The following C9orf85 variants were observed in gnomAD, a reference collection of about 807,000 sequenced individuals.
The protein encoded by C9orf85 is uncharacterized protein C9orf85.
In C9orf85, 16 loss-of-function variants were observed where a neutral mutation model predicts 14.9. That is an observed-to-expected ratio of 1.08 (90% CI 0.73 to 1.63). The LOEUF is 1.63. Among genes scored for constraint, C9orf85 ranks in the 40% most tolerant of loss-of-function variants. The pLI is 0.00. For missense variants in C9orf85, 172 were observed against 186.1 expected (o/e 0.92, Z 0.44); for synonymous variants, 45 against 56.8 (o/e 0.79, Z 0.93).
At chr9:71,971,103 T>G (rs1468621042) in intron 2 of C9orf85, among the ~76,000 whole-genome samples, 1 of 152,172 alleles carries the variant, frequency 6.6e-6, no homozygotes, top group Admixed American at 6.5e-5. Flanking sequence ...TTCCGTATAG[T>G]TAGGTCTTTA....
At chr9:71,984,243 T>C (rs1431079690), downstream of C9orf85, 9 of 152,240 alleles carry the variant, frequency 5.9e-5, no homozygotes, top group Non-Finnish European at 1.2e-4. Context: ...CCTTAAGTCT[T>C]TGCATATGTC....
At chr9:71,955,763 G>T (rs1470412959) in intron 2 of C9orf85, among the ~76,000 whole-genome samples, 3 of 152,150 alleles carry the variant, frequency 2.0e-5, no homozygotes, top group African/African-American at 7.2e-5. Context: ...CATCCAAGCT[G>T]TACTTGTTCT....
rs186047190 is a variant in C9orf85, at chr9:71,972,709, A to G, written c.341A>G (p.Glu114Gly). 4.4e-6 allele frequency: 7 copies of G among 1,582,816 alleles called. No individual in the cohort carries two copies. In the African/African-American group the frequency reaches 5.4e-5, roughly 12 times the overall value. The change falls in exon 4 of 4, where the codon GAA (glutamate) becomes GGA (glycine). Residue 114 changes from glutamate to glycine, a missense_variant. Glu to Gly is a moderately conservative substitution (Grantham distance 98). Transcript: ENST00000334731. ...ATCTTTAGGTTGAATAAAGAAACAG[A>G]AAAAATAGAACATACTGAAAATAAT... ...DIVIPLNKET[E>G]KIEHTENNLS...
At chr9:71,913,057 G>C (rs1389284791) in intron 1 of C9orf85, among the ~76,000 whole-genome samples, 18 of 152,146 alleles carry the variant, frequency 1.2e-4, no homozygotes, top group Non-Finnish European at 2.6e-4. Context: ...TGTGCGGCTT[G>C]AGTGAGTTGT....
chr9:71,971,485 C>T lies in C9orf85; in HGVS notation c.210-20C>T, dbSNP rs187250630. The stretch of plus-strand genomic sequence containing the variant: ...TCTGAAATAAACATAAATAAGTTAA[C>T]ATTTTATTTTTTATTTTAGTGTTAA... On this transcript the variant is annotated intron_variant, in intron 2 of 3. Transcript: ENST00000334731. The T allele has an allele frequency of 6.7e-4, 903 of 1,343,550 alleles. 6 individuals are homozygous for T. The African/African-American group carries it at 0.011, about 17-fold the overall frequency. The allele number at this position is 1,343,550 out of a possible 1,614,324, so 83.2% of individuals were successfully genotyped here.
chr9:71,947,171 C>A, intron 2 of C9orf85, 59 bp downstream of exon 2: 1 of 1,158,882 alleles, frequency 8.6e-7, no homozygotes, highest in Non-Finnish European at 1.2e-6. Flanking sequence ...TTTATTATTT[C>A]ATTTCCTGAT....
chr9:71,973,071 G>A lies in C9orf85; in HGVS notation c.*229G>A, dbSNP rs1352240148. ...GAGGCAGGAGGATTGCTTGAACCCTGGAGGCGGAGATTGAAGTGAGCTGAG... is the reference window on the plus strand; with the variant it reads ...GAGGCAGGAGGATTGCTTGAACCCTAGAGGCGGAGATTGAAGTGAGCTGAG... On this transcript the variant is annotated 3_prime_UTR_variant, in exon 4 of 4. Coordinates refer to ENST00000334731, the MANE Select transcript of C9orf85 (RefSeq NM_182505.5). 2 of 208,784 alleles carry A rather than the reference G, an allele frequency of 9.6e-6. No homozygotes were observed. The highest frequency in any genetic ancestry group is 2.0e-4 in the East Asian group (2 of 10,250). 12.9% of individuals were successfully genotyped at this position (208,784 alleles called of 1,614,324 possible). A position where few individuals can be genotyped will look rare whatever the true frequency, so the allele number is the denominator to read the frequency against.
intron 3 of C9orf85, chr9:71,982,632 C>CTTT (rs56038535): frequency 3.3e-3 from 824 of 247,382 alleles, no homozygotes; most frequent in South Asian, 6.2e-3. Flanking sequence ...TTGTATATTT[C>CTTT]TTTTTTTTTT....
At chr9:71,924,999 GAAC>G (rs1378710118) in intron 1 of C9orf85, among the ~76,000 whole-genome samples, 2 of 152,138 alleles carry the variant, frequency 1.3e-5, no homozygotes, top group Admixed American at 6.5e-5. Context: ...CACCAATACA[GAAC>G]AATGAGCAGT....
At chr9:71,972,422 G>A (rs1822898996) in intron 3 of C9orf85, among the ~76,000 whole-genome samples, 3 of 152,136 alleles carry the variant, frequency 2.0e-5, no homozygotes, top group African/African-American at 7.2e-5. Context: ...ACCACACCCA[G>A]CTAATTTTGT....
intron 1 of C9orf85, among the ~76,000 whole-genome samples, chr9:71,939,661 A>G (rs1326708985): frequency 3.3e-5 from 5 of 152,138 alleles, no homozygotes; most frequent in Admixed American, 2.6e-4. Context: ...TAGCCAAACA[A>G]TTTTGGAAAC....
chr9:71,980,506 TACA>T (rs1279238628), intron 3 of C9orf85, among the ~76,000 whole-genome samples: 3 of 152,110 alleles, frequency 2.0e-5, no homozygotes, highest in Non-Finnish European at 1.5e-5. Context: ...CAGAGGATAT[TACA>T]ACATGTCCGC....
chr9:71,936,298 T>A (rs1828190405), intron 1 of C9orf85, among the ~76,000 whole-genome samples: 1 of 152,134 alleles, frequency 6.6e-6, no homozygotes, highest in African/African-American at 2.4e-5. Context: ...TTGCTGAGGC[T>A]GTAGTTATGC....
intron 2 of C9orf85, among the ~76,000 whole-genome samples, chr9:71,953,579 C>T (rs984517637): frequency 2.6e-5 from 4 of 152,282 alleles, no homozygotes; most frequent in Admixed American, 1.3e-4. Flanking sequence ...TTTAATTGAA[C>T]AGAGTCACTC....
At chr9:71,960,599 GTCTC>G (rs915834629) in intron 2 of C9orf85, among the ~76,000 whole-genome samples, 3 of 152,162 alleles carry the variant, frequency 2.0e-5, no homozygotes, top group African/African-American at 7.2e-5. Flanking sequence ...TTGAGACAGA[GTCTC>G]TCTCTGTCAC....
Position 71,972,970 on chromosome 9 carries a change from C to T in C9orf85, c.*128C>T. ...ACCAGCCTGGCCAACATGGCGGAACCCCATCTCCACTAAAAGTACAAAAAA... is the reference window on the plus strand; with the variant it reads ...ACCAGCCTGGCCAACATGGCGGAACTCCATCTCCACTAAAAGTACAAAAAA... On this transcript the variant is annotated 3_prime_UTR_variant, in exon 4 of 4. Coordinates refer to ENST00000334731, the MANE Select transcript of C9orf85 (RefSeq NM_182505.5). 5.2e-6 allele frequency: 3 copies of T among 574,084 alleles called. No individual in the cohort carries two copies. Among genetic ancestry groups the T allele is most frequent in the Non-Finnish European group, 8.6e-6 (3 of 347,530 alleles). The allele number at this position is 574,084 out of a possible 1,614,324, so 35.6% of individuals were successfully genotyped here.
intron 1 of C9orf85, among the ~76,000 whole-genome samples, chr9:71,927,101 A>G (rs1346390812): frequency 6.6e-6 from 1 of 152,062 alleles, no homozygotes; most frequent in African/African-American, 2.4e-5. Context: ...GTTAACTACA[A>G]AGCAACTGTA....
chr9:71,915,916 C>G (rs1827636698), intron 1 of C9orf85, among the ~76,000 whole-genome samples: 1 of 152,192 alleles, frequency 6.6e-6, no homozygotes, highest in African/African-American at 2.4e-5. Flanking sequence ...CAGTTTTGCA[C>G]TATGCCAAAA....
intron 1 of C9orf85, among the ~76,000 whole-genome samples, chr9:71,941,532 G>T (rs1821929197): frequency 6.6e-6 from 1 of 152,204 alleles, no homozygotes; most frequent in African/African-American, 2.4e-5. Flanking sequence ...ATAAAGCAAT[G>T]AGTTAAATTA....
Sources: allele counts gnomAD v4.1 joint callset (sites outside exome capture counted in the v4.1 genomes callset), GRCh38; gene constraint gnomAD v4.1.1; transcripts MANE v1.5; gene names NCBI Gene and HGNC (gene_info 2026-07-23, HGNC 2026-07-21).